The following FBXO21 variants were observed in gnomAD, a reference collection of about 807,000 sequenced individuals.
FBXO21 encodes F-box only protein 21.
Under a neutral mutation model 76.6 loss-of-function variants are expected in FBXO21, and 32 were observed. The ratio of observed to expected loss-of-function variants is 0.42; its 90% CI spans 0.32 to 0.56. The LOEUF (loss-of-function observed/expected upper bound fraction) is 0.56, where lower values mean the gene tolerates loss of function less well. FBXO21 is among the 20% of genes least tolerant of loss of function. FBXO21 has a pLI of 0.16. For missense variants in FBXO21, 586 were observed against 797.3 expected, an observed-to-expected ratio of 0.73 and a Z score of 3.19; for synonymous variants, 328 against 311.5, an observed-to-expected ratio of 1.05 and a Z score of -0.56.
At chr12:117,184,436 A>G (rs1956263418) in intron 3 of FBXO21, among the ~76,000 whole-genome samples, 1 of 152,192 alleles carries the variant, frequency 6.6e-6, no homozygotes, top group Admixed American at 6.5e-5. Context: ...CAAAATGGAA[A>G]AAAAAGTGGT....
chr12:117,155,599 C>G, intron 11 of FBXO21, 192 bp downstream of exon 11: 1 of 650,744 alleles, frequency 1.5e-6, no homozygotes, highest in Non-Finnish European at 2.7e-6. Context: ...ACTACTGACC[C>G]CTCGCCAGGG....
intron 3 of FBXO21, among the ~76,000 whole-genome samples, chr12:117,182,078 A>G (rs1592896011): frequency 6.6e-6 from 1 of 152,190 alleles, no homozygotes; most frequent in East Asian, 1.9e-4. Flanking sequence ...TGGAAACTAC[A>G]CTTTTTCCTT....
In FBXO21 at chr12:117,165,331, T is replaced by TA. The variant is rs199827304; in HGVS notation, c.1326+153dup. Among the ~76,000 whole-genome samples, 662 of 151,402 alleles carry TA rather than the reference T, an allele frequency of 4.4e-3. 2 individuals carry two copies. The highest frequency in any genetic ancestry group is 5.3e-3 in the African/African-American group (218 of 41,238). ...CCAATTTTCCTTAGAATAAGAGAAG[T>TA]AAAAAAAAATCTACCAATGGGTTAT... On this transcript the variant is annotated intron_variant, in intron 9 of 11. Transcript: ENST00000622495.
chr12:117,171,317 C>G (rs1036209187), intron 7 of FBXO21, among the ~76,000 whole-genome samples: 1 of 132,442 alleles, frequency 7.6e-6, no homozygotes, highest in Admixed American at 8.7e-5. Flanking sequence ...AAGATTGCGC[C>G]AATGCACCCC....
intron 11 of FBXO21, among the ~76,000 whole-genome samples, chr12:117,147,247 A>AG (rs1463263904): frequency 7.6e-4 from 115 of 150,470 alleles, no homozygotes; most frequent in African/African-American, 2.7e-3. Context: ...CATCTCAAAA[A>AG]AAAGAAAGAA....
At chr12:117,172,083 A>C (rs1036033780) in intron 7 of FBXO21, among the ~76,000 whole-genome samples, 1 of 152,198 alleles carries the variant, frequency 6.6e-6, no homozygotes, top group African/African-American at 2.4e-5. Context: ...AAAAGAAATA[A>C]TTTTTTTAAG....
Position 117,190,283 on chromosome 12 carries a change from G to C in FBXO21, c.174C>G (p.Thr58=), listed in dbSNP as rs1956333004. The C allele has an allele frequency of 5.8e-6, 9 of 1,539,094 alleles. No individual in the cohort carries two copies. Among genetic ancestry groups the C allele is most frequent in the Non-Finnish European group, 7.8e-6 (9 of 1,153,676 alleles). The part of the protein sequence containing the change: ...TAADIGRVSS[T]CRRLRELCQS... ...GGCACAGCTCGCGCAGCCGCCGGCA[G>C]GTGCTGGAGACACGGCCGATGTCGG... The change falls in exon 1 of 12, where the codon ACC becomes ACG. Residue 58 remains threonine, a synonymous_variant. Coordinates refer to ENST00000622495, the MANE Select transcript of FBXO21 (RefSeq NM_015002.3).
At position 117,166,968 on chromosome 12, in the gene FBXO21, G is replaced by A. The variant is rs1566001184; in HGVS notation, c.1123C>T (p.Leu375=). The A allele has an allele frequency of 3.1e-6, 5 of 1,614,110 alleles. No individual in the cohort carries two copies. The highest frequency in any genetic ancestry group is 3.4e-6 in the Non-Finnish European group (4 of 1,179,992). Residue 375 remains leucine, a synonymous_variant, in exon 8 of 12, where the codon CTG becomes TTG. Transcript: ENST00000622495. ...YLIGQHVTAA[L]YGVVNVKKVL... is the part of the protein sequence containing the mutation. ...TTCTTGACATTGACCACCCCATACAGTGCTGCAGTCACGTGCTGGCCGATC... is the reference window on the plus strand; with the variant it reads ...TTCTTGACATTGACCACCCCATACAATGCTGCAGTCACGTGCTGGCCGATC...
intron 7 of FBXO21, among the ~76,000 whole-genome samples, chr12:117,168,416 C>A (rs955142508): frequency 2.0e-5 from 3 of 151,894 alleles, no homozygotes; most frequent in Admixed American, 6.6e-5. Flanking sequence ...CCCAGCTACT[C>A]GGGAGGCTGA....
chr12:117,150,601 T>C (rs753475919), intron 11 of FBXO21, among the ~76,000 whole-genome samples: 1 of 150,242 alleles, frequency 6.7e-6, no homozygotes, highest in Non-Finnish European at 1.5e-5. Context: ...CCAGTCTGCA[T>C]AGACCCCAGG....
At chr12:117,166,587 C>G (rs905664230) in intron 8 of FBXO21, among the ~76,000 whole-genome samples, 3 of 152,180 alleles carry the variant, frequency 2.0e-5, no homozygotes, top group Non-Finnish European at 2.9e-5. Context: ...TCTACTTTCC[C>G]TATATGACAA....
intron 9 of FBXO21, among the ~76,000 whole-genome samples, chr12:117,163,990 G>A (rs1295874669): frequency 2.0e-5 from 3 of 151,532 alleles, no homozygotes; most frequent in Non-Finnish European, 2.9e-5. Flanking sequence ...AAATAGGCAG[G>A]GTGTGGTGGC....
intron 2 of FBXO21, among the ~76,000 whole-genome samples, chr12:117,188,281 A>C (rs541249910): frequency 6.6e-6 from 1 of 152,246 alleles, no homozygotes; most frequent in Admixed American, 6.5e-5. Flanking sequence ...ACGGTGGCTC[A>C]CGCCTGTAAT....
intron 11 of FBXO21, chr12:117,155,123 T>C (rs1955896161): frequency 6.6e-6 from 1 of 152,312 alleles, no homozygotes. Flanking sequence ...TTGACAGACA[T>C]ACACTGAATT....
chr12:117,181,723 C>T (rs1015437603), intron 3 of FBXO21, among the ~76,000 whole-genome samples: 2 of 152,122 alleles, frequency 1.3e-5, no homozygotes, highest in African/African-American at 4.8e-5. Flanking sequence ...AATGTCAGCT[C>T]ACTGCAACCT....
chr12:117,154,044 G>C (rs1955881059), intron 11 of FBXO21, among the ~76,000 whole-genome samples: 1 of 152,218 alleles, frequency 6.6e-6, no homozygotes, highest in African/African-American at 2.4e-5. Flanking sequence ...CCACGGTGTT[G>C]TTGAAAAGAA....
rs368518336 is a variant in FBXO21, at chr12:117,174,355, A to G, written c.740-14T>C. On this transcript the variant is annotated splice_polypyrimidine_tract_variant and intron_variant, in intron 5 of 11. Transcript: ENST00000622495. ...TGGATGATTCACCTGAAACACAGAG[A>G]TCTACTCTGGGACCCAAGCACAAAA... 1.2e-5 allele frequency: 19 copies of G among 1,613,884 alleles called. No individual in the cohort carries two copies. The African/African-American group carries it at 2.3e-4, about 19-fold the overall frequency.
chr12:117,155,785 G>GCTTAC lies in FBXO21; in HGVS notation c.1675+1_1675+5dup. 6.2e-7 allele frequency: 1 copy of GCTTAC among 1,611,144 alleles called. No homozygotes were observed. The highest frequency in any genetic ancestry group is 8.5e-7 in the Non-Finnish European group (1 of 1,178,336). ...GCCACTGGCACAAGCGGAACCCGCCGCTTACCTTGGGCTGCGTATCGACAG... is the reference window on the plus strand; with the variant it reads ...GCCACTGGCACAAGCGGAACCCGCCGCTTACCTTACCTTGGGCTGCGTATCGACAG... On this transcript the variant is annotated splice_donor_region_variant and intron_variant, in intron 11 of 11. Coordinates refer to ENST00000622495, the MANE Select transcript of FBXO21 (RefSeq NM_015002.3).
At chr12:117,165,979 T>C (rs11068382) in intron 8 of FBXO21, among the ~76,000 whole-genome samples, 30,300 of 152,006 alleles carry the variant, frequency 0.2, 3,417 homozygotes, top group East Asian at 0.43. Flanking sequence ...CACCTGAGGT[T>C]GGGAGTTCAA....
Sources: allele counts gnomAD v4.1 joint callset (sites outside exome capture counted in the v4.1 genomes callset), GRCh38; gene constraint gnomAD v4.1.1; transcripts MANE v1.5; gene names NCBI Gene and HGNC (gene_info 2026-07-23, HGNC 2026-07-21).